Variants in CHL1 observed in about 807,000 individuals in gnomAD.
The protein encoded by CHL1 is cell adhesion molecule L1 like.
CHL1 carries 96 observed loss-of-function variants against 141.9 expected under a neutral mutation model. The ratio of observed to expected loss-of-function variants is 0.68; its 90% CI spans 0.57 to 0.80. The LOEUF (loss-of-function observed/expected upper bound fraction) is 0.80, where lower values mean the gene tolerates loss of function less well. Among genes scored for constraint, CHL1 ranks in the 30% least tolerant of loss-of-function variants. The pLI is 0.00. For missense variants in CHL1, 1,820 were observed against 1,457.2 expected, an observed-to-expected ratio of 1.25 and a Z score of -4.05; for synonymous variants, 613 against 502.2, an observed-to-expected ratio of 1.22 and a Z score of -2.95.
At chr3:267,421 AT>A (rs373513666) in intron 2 of CHL1, among the ~76,000 whole-genome samples, 46 of 152,256 alleles carry the variant, frequency 3.0e-4, no homozygotes, top group African/African-American at 1.0e-3. Context: ...ATTTTCCTCT[AT>A]TTTACATTTA....
intron 4 of CHL1, among the ~76,000 whole-genome samples, chr3:326,736 T>G (rs1321234697): frequency 6.6e-6 from 1 of 151,906 alleles, no homozygotes; most frequent in African/African-American, 2.4e-5. Flanking sequence ...ATATTAAAAC[T>G]CTACGTGATT....
chr3:298,923 T>A (rs541768111), intron 2 of CHL1, among the ~76,000 whole-genome samples: 39 of 152,320 alleles, frequency 2.6e-4, no homozygotes, highest in African/African-American at 8.4e-4. Flanking sequence ...AGAACAAGTA[T>A]CTCAATAGAC....
intron 16 of CHL1, 47 bp downstream of exon 16, chr3:377,989 A>C (rs1208567496): frequency 6.6e-7 from 1 of 1,515,898 alleles, no homozygotes; most frequent in Admixed American, 2.0e-5. Flanking sequence ...TTCATTTCTG[A>C]TTAAATCCCA....
At chr3:273,847 G>C (rs1695851621) in intron 2 of CHL1, among the ~76,000 whole-genome samples, 1 of 151,884 alleles carries the variant, frequency 6.6e-6, no homozygotes. Flanking sequence ...ATCTACTCTT[G>C]CCTATACTGT....
intron 2 of CHL1, among the ~76,000 whole-genome samples, chr3:316,876 T>C (rs1272594955): frequency 6.6e-6 from 1 of 152,096 alleles, no homozygotes; most frequent in Non-Finnish European, 1.5e-5. Context: ...GCATGAGGCA[T>C]TAAATGCCAT....
At chr3:364,307 A>G (rs1704594618) in intron 14 of CHL1, among the ~76,000 whole-genome samples, 1 of 152,184 alleles carries the variant, frequency 6.6e-6, no homozygotes, top group Non-Finnish European at 1.5e-5. Context: ...ATATCTACTT[A>G]TCTCTGATGT....
rs28546167 is a variant in CHL1 at position 360,764 on chromosome 3, C to G, written c.1306+340C>G. Among the ~76,000 whole-genome samples, 1,202 of 134,482 alleles carry G rather than the reference C, an allele frequency of 8.9e-3. 23 individuals carry two copies. The highest frequency in any genetic ancestry group is 0.034 in the African/African-American group (1,123 of 33,380). The allele number at this position is 134,482 out of a possible 152,430, so 88.2% of individuals were successfully genotyped here. A position where few individuals can be genotyped will look rare whatever the true frequency, so the allele number is the denominator to read the frequency against. On this transcript the variant is annotated intron_variant, in intron 12 of 27. Coordinates refer to ENST00000256509, the MANE Select transcript of CHL1 (RefSeq NM_006614.4). Reference sequence around the variant, plus strand: ...CCCTCCCCCCACCCCACAACAGTCCCCAGAGTGTGATGTTCCCCTTCCTGT... The same window carrying G: ...CCCTCCCCCCACCCCACAACAGTCCGCAGAGTGTGATGTTCCCCTTCCTGT...
intron 1 of CHL1, among the ~76,000 whole-genome samples, chr3:199,531 A>C (rs1698732342): frequency 6.6e-6 from 1 of 152,208 alleles, no homozygotes; most frequent in African/African-American, 2.4e-5. Context: ...AGAGGAGTTG[A>C]TTTTGCACAT....
At chr3:272,490 G>A (rs540056538) in intron 2 of CHL1, among the ~76,000 whole-genome samples, 46 of 152,276 alleles carry the variant, frequency 3.0e-4, no homozygotes, top group African/African-American at 1.1e-3. Context: ...CTTTGGAAAT[G>A]GGAAGATAAT....
chr3:357,179 C>G (rs1053086807), intron 11 of CHL1, among the ~76,000 whole-genome samples: 1 of 152,156 alleles, frequency 6.6e-6, no homozygotes, highest in Non-Finnish European at 1.5e-5. Flanking sequence ...AATCCAAGCT[C>G]GGTGTTCTGT....
In CHL1 at chr3:402,131, T is replaced by C. The variant is rs1304941429; in HGVS notation, c.3458+433T>C. ...TGAACCTGATCAGCAGAGAAAAATA[T>C]CCTATATATGCAAATGACTGTAATG... On this transcript the variant is annotated intron_variant, in intron 27 of 27. Coordinates refer to ENST00000256509, the MANE Select transcript of CHL1 (RefSeq NM_006614.4). Among the ~76,000 whole-genome samples the C allele has an allele frequency of 2.0e-5, 3 of 152,124 alleles. 1 individual carries two copies. The highest frequency in any genetic ancestry group is 4.1e-4 in the South Asian group (2 of 4,820).
At chr3:322,652 A>ATATATATATATATATATATAAT (rs1489995565) in intron 3 of CHL1, among the ~76,000 whole-genome samples, 2 of 78,086 alleles carry the variant, frequency 2.6e-5, no homozygotes, top group Non-Finnish European at 4.8e-5. Context: ...TAAAATATAT[A>ATATATATATATATATATATAAT]TATATATATA....
chr3:226,171 C>G (rs962779891), intron 1 of CHL1, among the ~76,000 whole-genome samples: 1 of 150,012 alleles, frequency 6.7e-6, no homozygotes, highest in African/African-American at 2.4e-5. Flanking sequence ...CAGGCATGCA[C>G]CACTATGCCC....
intron 2 of CHL1, among the ~76,000 whole-genome samples, chr3:277,129 T>C (rs9830226): frequency 0.098 from 14,961 of 152,174 alleles, 817 homozygotes; most frequent in African/African-American, 0.14. Context: ...ATATGTGTTA[T>C]GTAGTGTTTG....
At chr3:296,166 C>G (rs1258706405) in intron 2 of CHL1, among the ~76,000 whole-genome samples, 2 of 152,104 alleles carry the variant, frequency 1.3e-5, no homozygotes, top group African/African-American at 4.8e-5. Context: ...ATTTTAATAT[C>G]CCGTACGCAC....
At chr3:320,010 C>A in intron 3 of CHL1, 143 bp downstream of exon 3, 1 of 572,886 alleles carries the variant, frequency 1.7e-6, no homozygotes, top group Non-Finnish European at 3.0e-6. Context: ...GAATTCATAT[C>A]TATCTTTTTC....
At chr3:239,151 G>A (rs760856524) in intron 1 of CHL1, among the ~76,000 whole-genome samples, 3 of 152,090 alleles carry the variant, frequency 2.0e-5, no homozygotes, top group Non-Finnish European at 4.4e-5. Context: ...CGGCTTCACT[G>A]GACATCATCA....
At chr3:342,929 G>T in intron 7 of CHL1, 55 bp from the exon 8 acceptor site, 2 of 1,388,912 alleles carry the variant, frequency 1.4e-6, no homozygotes, top group South Asian at 1.3e-5. Flanking sequence ...ATTCTTTATT[G>T]ATATCAGCAT....
intron 16 of CHL1, among the ~76,000 whole-genome samples, chr3:379,738 A>G (rs1005385410): frequency 1.3e-5 from 2 of 152,182 alleles, no homozygotes; most frequent in Non-Finnish European, 2.9e-5. Flanking sequence ...TATACGCAGT[A>G]ATCTACCAGT....
Sources: gnomAD v4.1 joint callset for allele counts (sites outside exome capture counted in the v4.1 genomes callset) on GRCh38, gnomAD v4.1.1 for gene constraint, MANE v1.5 for transcripts, NCBI Gene and HGNC (gene_info 2026-07-23, HGNC 2026-07-21) for gene names.